Variants in MCC observed in about 807,000 individuals in gnomAD.
MCC encodes the protein MCC regulator of Wnt signaling pathway, also known as colorectal mutant cancer protein.
A neutral mutation model predicts 116.2 loss-of-function variants in MCC; 90 were observed. That is an observed-to-expected ratio of 0.77 (90% confidence interval 0.65 to 0.92). MCC has a LOEUF of 0.92. Ranked by LOEUF, MCC falls within the 40% of genes least tolerant of loss-of-function variation. The pLI is 0.00. For synonymous variants in MCC, 578 were observed against 510.5 expected, an observed-to-expected ratio of 1.13 and a Z score of -1.78; for missense variants, 1,516 against 1,312.2, an observed-to-expected ratio of 1.16 and a Z score of -2.40.
intron 1 of MCC, among the ~76,000 whole-genome samples, chr5:113,404,349 C>T (rs1490589674): frequency 6.6e-6 from 1 of 152,090 alleles, no homozygotes; most frequent in African/African-American, 2.4e-5. Flanking sequence ...AAAGCAATGC[C>T]CTCAAATGGC....
chr5:113,140,981 G>T (rs1346549049), intron 5 of MCC, among the ~76,000 whole-genome samples: 2 of 152,220 alleles, frequency 1.3e-5, no homozygotes, highest in Non-Finnish European at 2.9e-5. Flanking sequence ...CTAGATGTGT[G>T]TGTGAGGGCG....
At chr5:113,166,456 A>G (rs1760770949) in intron 3 of MCC, among the ~76,000 whole-genome samples, 1 of 152,190 alleles carries the variant, frequency 6.6e-6, no homozygotes, top group Admixed American at 6.5e-5. Context: ...GAGTGTCCTA[A>G]GAGTCCTGCA....
intron 3 of MCC, among the ~76,000 whole-genome samples, chr5:113,257,428 G>A (rs769337449): frequency 2.0e-5 from 3 of 152,050 alleles, no homozygotes; most frequent in South Asian, 2.1e-4. Flanking sequence ...GAGGACAGAA[G>A]GACTCCAGGC....
chr5:113,275,840 C>G lies in MCC; in HGVS notation c.627+64679G>C, dbSNP rs773420161. On this transcript the variant is annotated intron_variant, in intron 3 of 18. Coordinates refer to ENST00000408903, the MANE Select transcript of MCC (RefSeq NM_001085377.2). ...TTAACATCTACAGATTTTGGTGTAG[C>G]GGGAGGTCCTGGAACCAATTCCCCT... Among the ~76,000 whole-genome samples, 6 of 152,094 alleles carry G rather than the reference C, an allele frequency of 3.9e-5. No individual in the cohort carries two copies. In the East Asian group the frequency reaches 9.6e-4, roughly 24 times the overall value.
chr5:113,272,975 C>T, intron 3 of MCC, among the ~76,000 whole-genome samples: 1 of 151,976 alleles, frequency 6.6e-6, no homozygotes, highest in South Asian at 2.1e-4. Context: ...CTGCCAGCAA[C>T]CAGAGATTGT....
At chr5:113,056,613 A>C (rs930208715) in intron 14 of MCC, among the ~76,000 whole-genome samples, 3 of 152,202 alleles carry the variant, frequency 2.0e-5, no homozygotes, top group African/African-American at 7.2e-5. Flanking sequence ...GGAAAAAATG[A>C]CTAATGCATA....
chr5:113,307,981 T>A (rs977950169), intron 3 of MCC, among the ~76,000 whole-genome samples: 2 of 152,028 alleles, frequency 1.3e-5, no homozygotes, highest in Non-Finnish European at 2.9e-5. Context: ...ATCCTTTTTT[T>A]TTTTTTCTAA....
chr5:113,364,262 C>CAAAAAA (rs1561538969), intron 2 of MCC, among the ~76,000 whole-genome samples: 7 of 78,588 alleles, frequency 8.9e-5, no homozygotes, highest in African/African-American at 1.7e-4. Flanking sequence ...AAAAAAAAAC[C>CAAAAAA]AGAAAAAAAA....
At chr5:113,174,536 TA>T (rs1388198234) in intron 3 of MCC, among the ~76,000 whole-genome samples, 1 of 151,758 alleles carries the variant, frequency 6.6e-6, no homozygotes, top group Admixed American at 6.6e-5. Flanking sequence ...TTTGCAGCTG[TA>T]AAAAAGAATG....
intron 16 of MCC, among the ~76,000 whole-genome samples, chr5:113,046,707 A>AC (rs1752107474): frequency 7.1e-6 from 1 of 140,714 alleles, no homozygotes; most frequent in Non-Finnish European, 1.5e-5. Flanking sequence ...AAAAAAAAAA[A>AC]AAAAGAGAGA....
chr5:113,250,660 G>C (rs995619261), intron 3 of MCC, among the ~76,000 whole-genome samples: 1 of 152,200 alleles, frequency 6.6e-6, no homozygotes, highest in African/African-American at 2.4e-5. Flanking sequence ...GGAGTGCATG[G>C]AACTGTTTGT....
chr5:113,298,828 T>C (rs1189348358), intron 3 of MCC, among the ~76,000 whole-genome samples: 1 of 152,136 alleles, frequency 6.6e-6, no homozygotes, highest in African/African-American at 2.4e-5. Flanking sequence ...CTCTTTGTAA[T>C]TGTGAAGGGG....
intron 3 of MCC, among the ~76,000 whole-genome samples, chr5:113,326,756 A>G (rs11748642): frequency 6.6e-6 from 1 of 151,992 alleles, no homozygotes; most frequent in Non-Finnish European, 1.5e-5. Flanking sequence ...GGTAATGAAT[A>G]TATTCCAGTA....
chr5:113,058,007 CAG>C (rs530414634), intron 14 of MCC, among the ~76,000 whole-genome samples: 4 of 152,188 alleles, frequency 2.6e-5, no homozygotes, highest in Admixed American at 6.5e-5. Context: ...ACCTGGGACA[CAG>C]GGTGTGGGGT....
chr5:113,061,571 C>T (rs1231139753), intron 14 of MCC, among the ~76,000 whole-genome samples: 11 of 152,212 alleles, frequency 7.2e-5, no homozygotes, highest in Admixed American at 7.2e-4. Flanking sequence ...CCCTGGGCAC[C>T]TGCCAACAGT....
intron 3 of MCC, among the ~76,000 whole-genome samples, chr5:113,227,523 T>A (rs1763788973): frequency 6.6e-6 from 1 of 152,226 alleles, no homozygotes; most frequent in Non-Finnish European, 1.5e-5. Flanking sequence ...GCTCCTATCC[T>A]ATAGCTGTGG....
chr5:113,403,190 G>A (rs1441033031), intron 1 of MCC, among the ~76,000 whole-genome samples: 1 of 152,056 alleles, frequency 6.6e-6, no homozygotes, highest in Non-Finnish European at 1.5e-5. Flanking sequence ...ACCAGTGTGG[G>A]AAGGAATGGC....
intron 16 of MCC, among the ~76,000 whole-genome samples, chr5:113,044,760 G>C (rs1751958853): frequency 6.6e-6 from 1 of 152,148 alleles, no homozygotes; most frequent in Non-Finnish European, 1.5e-5. Flanking sequence ...TTTTAGTAGA[G>C]ACGGGGTTTC....
intron 16 of MCC, among the ~76,000 whole-genome samples, chr5:113,045,743 G>A (rs1013813051): frequency 1.3e-5 from 2 of 150,480 alleles, no homozygotes; most frequent in African/African-American, 4.9e-5. Context: ...AGGCTGCTGT[G>A]AGCTGAGATC....
Sources: allele counts gnomAD v4.1 joint callset (sites outside exome capture counted in the v4.1 genomes callset), GRCh38; gene constraint gnomAD v4.1.1; transcripts MANE v1.5; gene names NCBI Gene and HGNC (gene_info 2026-07-23, HGNC 2026-07-21).